The following KCNH5 variants were observed in gnomAD, a reference collection of about 807,000 sequenced individuals.
The protein encoded by KCNH5 is potassium voltage-gated channel subfamily H member 5, also known as voltage-gated delayed rectifier potassium channel KCNH5.
In KCNH5, 46 loss-of-function variants were observed where a neutral mutation model predicts 96.1. That is an observed-to-expected ratio of 0.48 (90% CI 0.38 to 0.61). The LOEUF (loss-of-function observed/expected upper bound fraction) is 0.61, where lower values mean the gene tolerates loss of function less well. Ranked by LOEUF, KCNH5 falls within the 20% of genes least tolerant of loss-of-function variation. The probability of loss-of-function intolerance (pLI) is 0.00; values close to 1 mark genes in which losing one functional copy is unlikely to be tolerated. For synonymous variants in KCNH5, 439 were observed against 449.8 expected (o/e 0.98, Z 0.30); for missense variants, 907 against 1,225.8 (o/e 0.74, Z 3.88).
rs751627591 is a variant in KCNH5, at chr14:62,707,892, T to C, written c.2583A>G (p.Thr861=). The C allele has an allele frequency of 6.2e-7, 1 of 1,614,198 alleles. No individual in the cohort carries two copies. Among genetic ancestry groups the C allele is most frequent in the Non-Finnish European group, 8.5e-7 (1 of 1,180,028 alleles). The part of the protein sequence containing the change: ...NSVTKNPLRK[T]DSCDSGITKS... ...TTGTAATTCCACTGTCACAAGAATC[T>C]GTTTTTCTTAGTGGGTTTTTGGTCA... Residue 861 remains threonine (T), a synonymous_variant, in exon 11 of 11, where the codon ACA becomes ACG. Transcript: ENST00000322893.
At chr14:62,949,178 G>A (rs1236743095) in intron 7 of KCNH5, among the ~76,000 whole-genome samples, 1 of 152,156 alleles carries the variant, frequency 6.6e-6, no homozygotes, top group Admixed American at 6.5e-5. Flanking sequence ...GGCAGGAGAA[G>A]GAAATAAAGG....
intron 8 of KCNH5, among the ~76,000 whole-genome samples, chr14:62,826,256 T>C (rs1300735025): frequency 1.3e-5 from 2 of 152,134 alleles, no homozygotes; most frequent in East Asian, 1.9e-4. Flanking sequence ...TTAACTCCTA[T>C]AGCTTCATTG....
intron 7 of KCNH5, among the ~76,000 whole-genome samples, chr14:62,902,003 G>A (rs186844940): frequency 3.3e-4 from 50 of 152,174 alleles, no homozygotes; most frequent in African/African-American, 1.2e-3. Flanking sequence ...CATGTTTGTT[G>A]TCTGCTGTTA....
intron 7 of KCNH5, among the ~76,000 whole-genome samples, chr14:62,885,561 CA>C (rs1888580045): frequency 2.0e-5 from 3 of 152,122 alleles, no homozygotes; most frequent in Non-Finnish European, 4.4e-5. Flanking sequence ...ATTGAACAAA[CA>C]GTGAAAATAA....
intron 10 of KCNH5, among the ~76,000 whole-genome samples, chr14:62,763,746 T>C (rs1885802276): frequency 6.6e-6 from 1 of 152,138 alleles, no homozygotes; most frequent in Non-Finnish European, 1.5e-5. Context: ...TCATAGGCTA[T>C]TACAAACACT....
intron 3 of KCNH5, among the ~76,000 whole-genome samples, chr14:63,003,140 G>C (rs1398667030): frequency 6.6e-6 from 1 of 152,018 alleles, no homozygotes; most frequent in East Asian, 1.9e-4. Flanking sequence ...TGTGAAAACC[G>C]CAACTTTTCA....
chr14:62,911,698 T>C (rs1889157993), intron 7 of KCNH5, among the ~76,000 whole-genome samples: 1 of 151,700 alleles, frequency 6.6e-6, no homozygotes, highest in Non-Finnish European at 1.5e-5. Context: ...CATGTCAGAT[T>C]ACTGGAGGAA....
At chr14:62,734,667 A>C (rs1365838185) in intron 10 of KCNH5, among the ~76,000 whole-genome samples, 1 of 151,994 alleles carries the variant, frequency 6.6e-6, no homozygotes, top group African/African-American at 2.4e-5. Context: ...AACACCATAT[A>C]ATCTCTCAAA....
chr14:62,975,761 A>G (rs186704789), intron 6 of KCNH5, among the ~76,000 whole-genome samples: 72 of 152,232 alleles, frequency 4.7e-4, no homozygotes, highest in Middle Eastern at 3.4e-3. Flanking sequence ...AAAAGAAAAC[A>G]CCAAAACACA....
intron 7 of KCNH5, among the ~76,000 whole-genome samples, chr14:62,868,178 T>C (rs576683595): frequency 1.3e-5 from 2 of 152,368 alleles, no homozygotes; most frequent in South Asian, 2.1e-4. Flanking sequence ...ATGTGGTAGC[T>C]AGTCTATCCT....
At chr14:62,831,341 G>A (rs1887344707) in intron 8 of KCNH5, among the ~76,000 whole-genome samples, 1 of 152,178 alleles carries the variant, frequency 6.6e-6, no homozygotes, top group African/African-American at 2.4e-5. Context: ...CACTATGAAA[G>A]TGACTTTATT....
At chr14:62,998,335 T>C (rs1890948740) in intron 4 of KCNH5, among the ~76,000 whole-genome samples, 2 of 152,120 alleles carry the variant, frequency 1.3e-5, no homozygotes, top group Non-Finnish European at 2.9e-5. Context: ...GTAATTTGTG[T>C]CTTTACCCTT....
At chr14:62,907,368 T>C (rs886565013) in intron 7 of KCNH5, among the ~76,000 whole-genome samples, 33 of 152,240 alleles carry the variant, frequency 2.2e-4, no homozygotes, top group African/African-American at 7.7e-4. Context: ...TGCCTGTCAC[T>C]CTATCAGAGA....
chr14:62,944,985 G>C (rs1412701986), intron 7 of KCNH5, among the ~76,000 whole-genome samples: 1 of 151,982 alleles, frequency 6.6e-6, no homozygotes, highest in Non-Finnish European at 1.5e-5. Flanking sequence ...TTTAAAACTA[G>C]GTTTTTATCT....
intron 6 of KCNH5, among the ~76,000 whole-genome samples, chr14:62,954,163 C>G (rs1242503091): frequency 2.0e-5 from 3 of 152,150 alleles, no homozygotes; most frequent in South Asian, 2.1e-4. Context: ...TTCCTTCCCC[C>G]ACTCTTAGTG....
In KCNH5 at chr14:62,706,975, T is replaced by G. The variant is rs1285478562; in HGVS notation, c.*533A>C. 1.3e-5 allele frequency: 2 copies of G among 152,218 alleles called. No individual in the cohort carries two copies. The highest frequency in any genetic ancestry group is 3.8e-4 in the East Asian group (2 of 5,208). The allele number at this position is 152,218 out of a possible 1,614,324, so 9.4% of individuals were successfully genotyped here. ...CTGACTTAGGCAACTAAACAGTCAT[T>G]TAAATGGAGCAAACACTGCCTGTAG... On this transcript the variant is annotated 3_prime_UTR_variant, in exon 11 of 11. Coordinates refer to ENST00000322893, the MANE Select transcript of KCNH5 (RefSeq NM_139318.5).
intron 7 of KCNH5, chr14:62,949,839 A>C: frequency 4.9e-6 from 1 of 203,560 alleles, no homozygotes; most frequent in Non-Finnish European, 9.8e-6. Flanking sequence ...CATTACCAAC[A>C]AAATCTATGG....
intron 10 of KCNH5, among the ~76,000 whole-genome samples, chr14:62,719,792 T>C (rs1429345677): frequency 2.0e-5 from 3 of 152,220 alleles, no homozygotes; most frequent in Non-Finnish European, 4.4e-5. Flanking sequence ...TACGTTACAG[T>C]TCATCCACAA....
chr14:62,863,046 C>T (rs182163201), intron 7 of KCNH5, among the ~76,000 whole-genome samples: 6 of 152,174 alleles, frequency 3.9e-5, no homozygotes, highest in Admixed American at 2.0e-4. Flanking sequence ...CTGGTTATCC[C>T]GGGTCAAGAA....
Sources: gnomAD v4.1 joint callset for allele counts (sites outside exome capture counted in the v4.1 genomes callset) on GRCh38, gnomAD v4.1.1 for gene constraint, MANE v1.5 for transcripts, NCBI Gene and HGNC (gene_info 2026-07-23, HGNC 2026-07-21) for gene names.